GALNT14: variants seen among roughly 807,000 people sequenced by gnomAD.
GALNT14 encodes the protein polypeptide N-acetylgalactosaminyltransferase 14, also known as UDP-GalNAc:polypeptide N-acetylgalactosaminyltransferase 14.
GALNT14 carries 60 observed loss-of-function variants against 77.5 expected under a neutral mutation model. That is an observed-to-expected ratio of 0.77 (90% CI 0.63 to 0.96). The LOEUF (loss-of-function observed/expected upper bound fraction) is 0.96, where lower values mean the gene tolerates loss of function less well. Among genes scored for constraint, GALNT14 ranks in the 40% least tolerant of loss-of-function variants. The probability of loss-of-function intolerance (pLI) is 0.00; values close to 1 mark genes in which losing one functional copy is unlikely to be tolerated. For synonymous variants in GALNT14, 280 were observed against 281.7 expected, an observed-to-expected ratio of 0.99 and a Z score of 0.06; for missense variants, 710 against 731.0, an observed-to-expected ratio of 0.97 and a Z score of 0.33.
chr2:31,053,073 C>A (rs1673987074), intron 1 of GALNT14, among the ~76,000 whole-genome samples: 1 of 152,046 alleles, frequency 6.6e-6, no homozygotes, highest in African/African-American at 2.4e-5. Context: ...CAGTTCTGGC[C>A]CCACACGAAA....
intron 2 of GALNT14, among the ~76,000 whole-genome samples, chr2:30,969,031 C>T (rs1030257288): frequency 6.6e-6 from 1 of 152,118 alleles, no homozygotes; most frequent in Non-Finnish European, 1.5e-5. Context: ...TGGAGAGGCC[C>T]AGGCAGAGGG....
chr2:31,125,376 A>G, intron 1 of GALNT14: 1 of 717,432 alleles, frequency 1.4e-6, no homozygotes, highest in Non-Finnish European at 2.4e-6. Context: ...ATCTGGATCC[A>G]GCCTTGAAAG....
Position 30,945,755 on chromosome 2 carries a change from C to T in GALNT14, c.742+28G>A, listed in dbSNP as rs759733080. On this transcript the variant is annotated intron_variant, in intron 7 of 14. Coordinates refer to ENST00000349752, the MANE Select transcript of GALNT14 (RefSeq NM_024572.4). ...GACTGAGAGGAAAAGAAAATCCTTACTGGGGAGGAGGTGTTAGCCCAACTC... is the reference window on the plus strand; with the variant it reads ...GACTGAGAGGAAAAGAAAATCCTTATTGGGGAGGAGGTGTTAGCCCAACTC... 3.8e-6 allele frequency: 6 copies of T among 1,565,558 alleles called. 1 individual carries two copies. In the South Asian group the frequency reaches 5.6e-5, roughly 14 times the overall value.
chr2:31,016,752 T>C (rs565296323), intron 1 of GALNT14, among the ~76,000 whole-genome samples: 1 of 152,148 alleles, frequency 6.6e-6, no homozygotes, highest in Non-Finnish European at 1.5e-5. Flanking sequence ...ATGAGATACA[T>C]CCTTGCAGAG....
intron 1 of GALNT14, among the ~76,000 whole-genome samples, chr2:31,056,385 T>G (rs1674208608): frequency 6.6e-6 from 1 of 152,170 alleles, no homozygotes; most frequent in Non-Finnish European, 1.5e-5. Flanking sequence ...TTTAGATCAG[T>G]AAATCCAGAT....
In GALNT14 at chr2:31,104,109, C is replaced by T. The variant is rs114981596; in HGVS notation, c.129+33849G>A. 8.7e-3 allele frequency among the ~76,000 whole-genome samples: 1,323 copies of T among 152,212 alleles called. 9 individuals are homozygous for T. Among genetic ancestry groups the T allele is most frequent in the Admixed American group, 0.012 (187 of 15,264 alleles). On this transcript the variant is annotated intron_variant, in intron 1 of 14. Transcript: ENST00000349752. The stretch of plus-strand genomic sequence containing the variant: ...TGCTGCAGAAAAAACTGTGGCCAAC[C>T]TGGTATTTTTCTCCTCATAAGTGAC...
chr2:30,987,707 C>T (rs201004982), intron 2 of GALNT14, among the ~76,000 whole-genome samples: 28 of 81,922 alleles, frequency 3.4e-4, no homozygotes, highest in African/African-American at 9.2e-4. Context: ...CCTTCCTCCT[C>T]CCTCCCCCTC....
intron 1 of GALNT14, among the ~76,000 whole-genome samples, chr2:31,101,759 G>A (rs1238459766): frequency 2.0e-5 from 3 of 151,972 alleles, no homozygotes; most frequent in Non-Finnish European, 2.9e-5. Context: ...GTTTGGCTGT[G>A]TTCCCACCCA....
chr2:31,073,943 C>A (rs1411865248), intron 1 of GALNT14, among the ~76,000 whole-genome samples: 1 of 152,186 alleles, frequency 6.6e-6, no homozygotes, highest in Non-Finnish European at 1.5e-5. Context: ...AGGGCCTCTG[C>A]CTTAGACCAG....
intron 2 of GALNT14, among the ~76,000 whole-genome samples, chr2:30,977,238 C>A (rs1026142514): frequency 6.6e-6 from 1 of 152,074 alleles, no homozygotes; most frequent in Non-Finnish European, 1.5e-5. Flanking sequence ...TACAGGCATG[C>A]GCCAGTATGC....
chr2:31,069,468 C>T (rs1264418468), intron 1 of GALNT14, among the ~76,000 whole-genome samples: 1 of 152,218 alleles, frequency 6.6e-6, no homozygotes, highest in African/African-American at 2.4e-5. Flanking sequence ...GAAGGAAACA[C>T]TGTTATAATC....
intron 1 of GALNT14, among the ~76,000 whole-genome samples, chr2:31,014,948 C>G (rs556947244): frequency 2.1e-4 from 32 of 152,218 alleles, no homozygotes; most frequent in African/African-American, 7.7e-4. Context: ...GAGGGAAGGG[C>G]TAAAGTTCTG....
intron 13 of GALNT14, among the ~76,000 whole-genome samples, chr2:30,918,476 G>A (rs573543631): frequency 6.6e-6 from 1 of 152,350 alleles, no homozygotes; most frequent in South Asian, 2.1e-4. Flanking sequence ...TGTCTGCTGT[G>A]TTCACGATGG....
intron 1 of GALNT14, among the ~76,000 whole-genome samples, chr2:31,065,977 A>G (rs1037587863): frequency 6.6e-6 from 1 of 152,132 alleles, no homozygotes; most frequent in Non-Finnish European, 1.5e-5. Flanking sequence ...CAGGATTCCA[A>G]TCCCCGCCCC....
rs556272746 is a variant in GALNT14 at position 30,942,083 on chromosome 2, C to T, written c.931+118G>A. ...AACTCACCATCTCCCAGGACCTCAT[C>T]CAAAGCACGTGTCACTCTCTGACAG... On this transcript the variant is annotated intron_variant, in intron 9 of 14. Transcript: ENST00000349752. 9 of 673,426 alleles carry T rather than the reference C, an allele frequency of 1.3e-5. No homozygotes were observed. In the East Asian group the frequency reaches 2.5e-4, roughly 18 times the overall value. The allele number at this position is 673,426 out of a possible 1,614,324, so 41.7% of individuals were successfully genotyped here. A position where few individuals can be genotyped will look rare whatever the true frequency, so the allele number is the denominator to read the frequency against.
At chr2:30,966,835 G>T (rs189003853) in intron 2 of GALNT14, among the ~76,000 whole-genome samples, 36 of 152,230 alleles carry the variant, frequency 2.4e-4, no homozygotes, top group Admixed American at 1.9e-3. Context: ...CCCAAACCCT[G>T]GTATAAGTGA....
chr2:31,038,383 C>T (rs7565923), intron 1 of GALNT14, among the ~76,000 whole-genome samples: 72,772 of 151,480 alleles, frequency 0.48, 18,198 homozygotes, highest in African/African-American at 0.63. Context: ...TGTGAGCCAC[C>T]GCACCCAGCA....
Position 31,138,411 on chromosome 2 carries a change from C to T in GALNT14, c.-325G>A. ...CCGCGGCTGCCGCCGCCGCCGCCGC[C>T]GCCTTGCCCGCTGCCGCCGATAGGG... On this transcript the variant is annotated 5_prime_UTR_variant, in exon 1 of 15. Coordinates refer to ENST00000349752, the MANE Select transcript of GALNT14 (RefSeq NM_024572.4). 1 of 354,672 alleles carries T rather than the reference C, an allele frequency of 2.8e-6. No homozygotes were observed. The highest frequency in any genetic ancestry group is 5.1e-6 in the Non-Finnish European group (1 of 197,984). 22.0% of individuals were successfully genotyped at this position (354,672 alleles called of 1,614,324 possible).
At chr2:31,060,861 G>A (rs1674547720) in intron 1 of GALNT14, among the ~76,000 whole-genome samples, 1 of 152,116 alleles carries the variant, frequency 6.6e-6, no homozygotes, top group Non-Finnish European at 1.5e-5. Context: ...CTTTTCTAGG[G>A]AAGCCCCAGG....
Sources: gnomAD v4.1 joint callset for allele counts (sites outside exome capture counted in the v4.1 genomes callset) on GRCh38, gnomAD v4.1.1 for gene constraint, MANE v1.5 for transcripts, NCBI Gene and HGNC (gene_info 2026-07-23, HGNC 2026-07-21) for gene names.